The following CASR variants were observed in gnomAD, a reference collection of about 807,000 sequenced individuals.
CASR encodes the protein calcium sensing receptor.
A neutral mutation model predicts 69.1 loss-of-function variants in CASR; 23 were observed. The ratio of observed to expected loss-of-function variants is 0.33; its 90% CI spans 0.24 to 0.47. The LOEUF (loss-of-function observed/expected upper bound fraction) is 0.47. Among genes scored for constraint, CASR ranks in the 20% least tolerant of loss-of-function variants. The probability of loss-of-function intolerance (pLI) is 1.00; values close to 1 mark genes in which losing one functional copy is unlikely to be tolerated. For synonymous variants in CASR, 541 were observed against 544.7 expected (o/e 0.99, Z 0.10); for missense variants, 924 against 1,356.1 (o/e 0.68, Z 5.00).
chr3:122,199,879 C>T (rs117352539), intron 1 of CASR, among the ~76,000 whole-genome samples: 1 of 151,928 alleles, frequency 6.6e-6, no homozygotes, highest in East Asian at 1.9e-4. Context: ...GCTAGAAGAG[C>T]AGTTGTTTTT....
chr3:122,190,309 T>C (rs951612089), intron 1 of CASR, among the ~76,000 whole-genome samples: 6 of 152,190 alleles, frequency 3.9e-5, no homozygotes, highest in African/African-American at 1.4e-4. Context: ...TCTTCTCTTT[T>C]CACACTCTTA....
At chr3:122,242,345 A>G (rs141707305) in intron 1 of CASR, among the ~76,000 whole-genome samples, 3,509 of 152,320 alleles carry the variant, frequency 0.023, 133 homozygotes, top group African/African-American at 0.081. Context: ...TGCAGGATAC[A>G]AAATCAACAT....
chr3:122,229,639 A>T (rs1576835679), intron 1 of CASR, among the ~76,000 whole-genome samples: 2 of 152,240 alleles, frequency 1.3e-5, no homozygotes, highest in African/African-American at 4.8e-5. Flanking sequence ...AGGCAGGTGG[A>T]TCACTTGAAG....
chr3:122,195,107 C>T (rs2073876535), intron 1 of CASR, among the ~76,000 whole-genome samples: 1 of 151,800 alleles, frequency 6.6e-6, no homozygotes, highest in Non-Finnish European at 1.5e-5. Context: ...ATTAGTTGGG[C>T]AGTGTTATCA....
intron 1 of CASR, among the ~76,000 whole-genome samples, chr3:122,201,147 G>C (rs2073946559): frequency 6.6e-6 from 1 of 152,082 alleles, no homozygotes; most frequent in Non-Finnish European, 1.5e-5. Flanking sequence ...GGACCCTGCG[G>C]CCTTCCGCAG....
chr3:122,210,714 T>A (rs1196488156), intron 1 of CASR, among the ~76,000 whole-genome samples: 1 of 152,114 alleles, frequency 6.6e-6, no homozygotes, highest in East Asian at 1.9e-4. Flanking sequence ...TTGACATTCT[T>A]CACAGAATTA....
chr3:122,218,473 G>C (rs1435385868), intron 1 of CASR, among the ~76,000 whole-genome samples: 1 of 149,642 alleles, frequency 6.7e-6, no homozygotes, highest in African/African-American at 2.5e-5. Flanking sequence ...GGCAGAGGTT[G>C]CAGTGAGCCG....
At position 122,254,235 on chromosome 3, in the gene CASR, C is replaced by T. The variant is rs769932724; in HGVS notation, c.46C>T (p.His16Tyr). ...CTGGGTCCTCTTGGCACTCACCTGG[C>T]ACACCTCTGCCTACGGGCCAGACCA... ...CCWVLLALTW[H>Y]TSAYGPDQRA... Residue 16 changes from histidine (H) to tyrosine (Y), a missense_variant, in exon 2 of 7, where the codon CAC becomes TAC. His to Tyr is a moderately conservative substitution (Grantham distance 83). Around this residue, in one of 8 missense-constraint regions of CASR, gnomAD observed 28 missense variants for 22.1 expected, o/e 1.27. Transcript: ENST00000639785. 6.2e-7 allele frequency: 1 copy of T among 1,613,798 alleles called. No homozygotes were observed. Among genetic ancestry groups the T allele is most frequent in the South Asian group, 1.1e-5 (1 of 91,052 alleles).
rs201572629 is a variant in CASR at position 122,275,823 on chromosome 3, C to A, written c.1389C>A (p.His463Gln). The A allele has an allele frequency of 1.1e-5, 18 of 1,613,130 alleles. No homozygotes were observed. The highest frequency in any genetic ancestry group is 1.5e-5 in the Non-Finnish European group (18 of 1,179,254). ...KKVEAWQVLK[H>Q]LRHLNFTNNM... The stretch of plus-strand genomic sequence containing the variant: ...TTGCTCCTCTTTAGGTCCTGAAGCA[C>A]CTACGGCATCTAAACTTTACAAACA... The change falls in exon 5 of 7, where the codon CAC becomes CAA. Residue 463 changes from histidine (H) to glutamine (Q), a missense_variant. This residue lies in a region of CASR where 310 missense variants were observed against 395.7 expected (regional missense o/e 0.78). Coordinates refer to ENST00000639785, the MANE Select transcript of CASR (RefSeq NM_000388.4).
chr3:122,252,877 G>C (rs1412158797), intron 1 of CASR, among the ~76,000 whole-genome samples: 1 of 152,192 alleles, frequency 6.6e-6, no homozygotes, highest in Admixed American at 6.5e-5. Context: ...TTGGCCCTGA[G>C]CCTCAAGACA....
chr3:122,201,355 C>A (rs1390952299), intron 1 of CASR, among the ~76,000 whole-genome samples: 1 of 152,236 alleles, frequency 6.6e-6, no homozygotes, highest in Non-Finnish European at 1.5e-5. Flanking sequence ...GGCAGAAGAA[C>A]CTTTCCCAGT....
rs200443784 is a variant in CASR, at chr3:122,262,271, G to A, written c.1236G>A (p.Thr412=). The change falls in exon 4 of 7, where the codon ACG becomes ACA. Residue 412 remains threonine (T), a synonymous_variant. Coordinates refer to ENST00000639785, the MANE Select transcript of CASR (RefSeq NM_000388.4). ...TCGAGACCCCTTACATAGATTACACGCATTTACGGATATCCTACAATGTGT... is the reference window on the plus strand; with the variant it reads ...TCGAGACCCCTTACATAGATTACACACATTTACGGATATCCTACAATGTGT... The part of the protein sequence containing the change: ...SSVETPYIDY[T]HLRISYNVYL... The A allele has an allele frequency of 3.1e-6, 5 of 1,613,982 alleles. No homozygotes were observed. The highest frequency in any genetic ancestry group is 2.7e-5 in the African/African-American group (2 of 74,888).
At chr3:122,205,912 T>C (rs1380060446) in intron 1 of CASR, among the ~76,000 whole-genome samples, 1 of 152,106 alleles carries the variant, frequency 6.6e-6, no homozygotes, top group Non-Finnish European at 1.5e-5. Context: ...TTTTGAGTGT[T>C]GATTTTTGTA....
At position 122,261,833 on chromosome 3, in the gene CASR, C is replaced by T; in HGVS notation, c.798C>T (p.Val266=). Residue 266 remains valine, a synonymous_variant, in exon 4 of 7, where the codon GTC becomes GTT. Coordinates refer to ENST00000639785, the MANE Select transcript of CASR (RefSeq NM_000388.4). ...VEVIQNSTAK[V]IVVFSSGPDL... is the part of the protein sequence containing the mutation. Reference sequence around the variant, plus strand: ...TGATTCAAAATTCCACGGCCAAAGTCATCGTGGTTTTCTCCAGTGGCCCAG... The same window carrying T: ...TGATTCAAAATTCCACGGCCAAAGTTATCGTGGTTTTCTCCAGTGGCCCAG... 6.2e-7 allele frequency: 1 copy of T among 1,614,244 alleles called. No homozygotes were observed. The highest frequency in any genetic ancestry group is 8.5e-7 in the Non-Finnish European group (1 of 1,180,046).
intron 1 of CASR, among the ~76,000 whole-genome samples, chr3:122,252,445 G>GAAAGAAAGAAAA (rs1559954401): frequency 3.0e-5 from 2 of 67,780 alleles, no homozygotes; most frequent in Non-Finnish European, 5.6e-5. Context: ...AAGAAAGAAA[G>GAAAGAAAGAAAA]AAAAAAAAGA....
At chr3:122,281,911 C>T (rs1010547581) in intron 5 of CASR, among the ~76,000 whole-genome samples, 2 of 152,196 alleles carry the variant, frequency 1.3e-5, no homozygotes, top group Non-Finnish European at 2.9e-5. Context: ...TATACACACA[C>T]ACTTTCCCAT....
rs528898122 is a variant in CASR, at chr3:122,191,894, G to A, written c.-243+8082G>A. On this transcript the variant is annotated intron_variant, in intron 1 of 6. Coordinates refer to ENST00000639785, the MANE Select transcript of CASR (RefSeq NM_000388.4). ...AATGATATACCAATTTCCTTATCAGGAACATTAAGATGTTGAAGATAATGC... is the reference window on the plus strand; with the variant it reads ...AATGATATACCAATTTCCTTATCAGAAACATTAAGATGTTGAAGATAATGC... 3.9e-5 allele frequency among the ~76,000 whole-genome samples: 6 copies of A among 152,320 alleles called. No individual in the cohort carries two copies. The South Asian group carries it at 1.2e-3, about 32-fold the overall frequency.
chr3:122,245,955 G>A (rs2107617772), intron 1 of CASR, among the ~76,000 whole-genome samples: 1 of 152,164 alleles, frequency 6.6e-6, no homozygotes, highest in African/African-American at 2.4e-5. Context: ...CAAATCGGGG[G>A]GAAAAAATTA....
At chr3:122,255,875 A>T (rs1419675258) in intron 2 of CASR, among the ~76,000 whole-genome samples, 1 of 146,184 alleles carries the variant, frequency 6.8e-6, no homozygotes, top group Non-Finnish European at 1.5e-5. Context: ...TGTCACTGTC[A>T]CTGAGTTCAA....
Sources: gnomAD v4.1 joint callset for allele counts (sites outside exome capture counted in the v4.1 genomes callset) on GRCh38, gnomAD v4.1.1 for gene constraint, gnomAD v4.1.1 regional missense constraint, MANE v1.5 for transcripts, NCBI Gene and HGNC (gene_info 2026-07-23, HGNC 2026-07-21) for gene names.